Variants in AGTPBP1 observed in about 807,000 individuals in gnomAD.
The protein encoded by AGTPBP1 is ATP/GTP binding carboxypeptidase 1.
In AGTPBP1, 70 loss-of-function variants were observed where a neutral mutation model predicts 143.9. The ratio of observed to expected loss-of-function variants is 0.49; its 90% CI spans 0.40 to 0.59. The LOEUF is 0.59. AGTPBP1 is among the 20% of genes least tolerant of loss of function. The pLI, the probability that AGTPBP1 is intolerant of heterozygous loss-of-function variation, is 0.00. For synonymous variants in AGTPBP1, 463 were observed against 500.2 expected (o/e 0.93, Z 0.99); for missense variants, 1,229 against 1,464.5 (o/e 0.84, Z 2.62).
chr9:85,776,788 G>A, the AGTPBP1 span, among the ~76,000 whole-genome samples: 2 of 152,112 alleles, frequency 1.3e-5, no homozygotes, highest in Non-Finnish European at 2.9e-5. Flanking sequence ...AAGACCTCTA[G>A]GCCAGCAGAA....
chr9:85,779,208 TATAGATATAGATATAGATA>T, the AGTPBP1 span, among the ~76,000 whole-genome samples: 1 of 138,140 alleles, frequency 7.2e-6, no homozygotes, highest in Non-Finnish European at 1.5e-5. Context: ...TAGATATAGA[TATAGATATAGATATAGATA>T]TAGATATAGA....
intron 25 of AGTPBP1, among the ~76,000 whole-genome samples, chr9:85,564,034 G>A (rs1199088765): frequency 6.6e-6 from 1 of 152,252 alleles, no homozygotes; most frequent in East Asian, 1.9e-4. Context: ...GAAGGATGGA[G>A]CCACAGGCAC....
At position 85,669,587 on chromosome 9, in the gene AGTPBP1, G is replaced by A. The variant is rs376864085; in HGVS notation, c.569-9C>T. ...GGATACTGAATTCACAGCTGAGAGGGGGAGAAAGAGATGCAAAATTATTTT... is the reference window on the plus strand; with the variant it reads ...GGATACTGAATTCACAGCTGAGAGGAGGAGAAAGAGATGCAAAATTATTTT... On this transcript the variant is annotated splice_polypyrimidine_tract_variant and intron_variant, in intron 7 of 25. Transcript: ENST00000357081. 15 of 1,591,618 alleles carry A rather than the reference G, an allele frequency of 9.4e-6. No homozygotes were observed. The highest frequency in any genetic ancestry group is 3.4e-5 in the Admixed American group (2 of 59,304).
the AGTPBP1 span, among the ~76,000 whole-genome samples, chr9:85,773,004 G>A: frequency 2.6e-5 from 4 of 151,820 alleles, no homozygotes; most frequent in African/African-American, 4.8e-5. Context: ...AGTGGCTCAC[G>A]CCTGTAATCC....
intron 1 of AGTPBP1, 156 bp downstream of exon 1, chr9:85,741,619 C>A (rs1420324611): frequency 1.0e-6 from 1 of 985,294 alleles, no homozygotes; most frequent in Non-Finnish European, 1.2e-6. Context: ...TCACGCGTCA[C>A]ATGTGTAACA....
In AGTPBP1 at chr9:85,689,926, ATAT is replaced by A. The variant is rs377234440; in HGVS notation, c.157+2760_157+2762del. ...AAAAAAAAAAAAAAAAAAAAAAAAA[ATAT>A]ATATATATATATATATATCTTAAAG... On this transcript the variant is annotated intron_variant, in intron 3 of 25. Coordinates refer to ENST00000357081, the MANE Select transcript of AGTPBP1 (RefSeq NM_001330701.2). 8.3e-3 allele frequency among the ~76,000 whole-genome samples: 537 copies of A among 64,360 alleles called. 7 individuals carry two copies. The highest frequency in any genetic ancestry group is 0.029 in the African/African-American group (349 of 12,120). 42.2% of individuals were successfully genotyped at this position (64,360 alleles called of 152,430 possible). A position where few individuals can be genotyped will look rare whatever the true frequency, so the allele number is the denominator to read the frequency against.
the AGTPBP1 span, chr9:85,786,391 C>A: frequency 1.2e-6 from 2 of 1,614,026 alleles, no homozygotes; most frequent in Non-Finnish European, 1.7e-6. Context: ...GACTGTCATC[C>A]CAAATTCAGG....
At chr9:85,650,153 AG>A (rs1833068558) in intron 11 of AGTPBP1, among the ~76,000 whole-genome samples, 1 of 151,794 alleles carries the variant, frequency 6.6e-6, no homozygotes, top group African/African-American at 2.4e-5. Context: ...TCTTCACTAA[AG>A]AAGCTTGATT....
chr9:85,695,797 T>C (rs1836191461), intron 2 of AGTPBP1, among the ~76,000 whole-genome samples: 1 of 152,194 alleles, frequency 6.6e-6, no homozygotes, highest in African/African-American at 2.4e-5. Context: ...CAAACAATGA[T>C]TATTCAGACT....
At chr9:85,639,369 A>G (rs12683625) in intron 13 of AGTPBP1, among the ~76,000 whole-genome samples, 9,819 of 106,348 alleles carry the variant, frequency 0.092, 472 homozygotes, top group African/African-American at 0.23. Flanking sequence ...GCGCACGCGC[A>G]CACACACACA....
intron 17 of AGTPBP1, among the ~76,000 whole-genome samples, chr9:85,602,694 A>G (rs1190306611): frequency 6.6e-6 from 1 of 152,108 alleles, no homozygotes; most frequent in East Asian, 1.9e-4. Context: ...ACAACTATCC[A>G]CGCAAGAAAG....
At chr9:85,569,354 A>C (rs892711922) in intron 25 of AGTPBP1, among the ~76,000 whole-genome samples, 1 of 152,150 alleles carries the variant, frequency 6.6e-6, no homozygotes, top group Non-Finnish European at 1.5e-5. Flanking sequence ...AAAAGTTTCC[A>C]AGAGCAAGAA....
intron 12 of AGTPBP1, among the ~76,000 whole-genome samples, chr9:85,644,404 A>G (rs952596944): frequency 6.6e-6 from 1 of 151,292 alleles, no homozygotes; most frequent in Non-Finnish European, 1.5e-5. Context: ...TTGTGAAAAT[A>G]TGGCCTTACA....
At chr9:85,635,507 T>A (rs1211589891) in intron 13 of AGTPBP1, among the ~76,000 whole-genome samples, 1 of 152,186 alleles carries the variant, frequency 6.6e-6, no homozygotes, top group African/African-American at 2.4e-5. Context: ...TTTACAACTT[T>A]TACATATATT....
chr9:85,761,055 C>A, the AGTPBP1 span, among the ~76,000 whole-genome samples: 4 of 152,090 alleles, frequency 2.6e-5, no homozygotes, highest in African/African-American at 9.7e-5. Flanking sequence ...ACCTAGGAAT[C>A]CAACTTAGAA....
Position 85,585,448 on chromosome 9 carries a change from A to G in AGTPBP1, c.3165+15T>C. ...TTTGAAATTCAAAAACTTATGAATC[A>G]TCTGTAATAATTACCCTGTATCCCG... On this transcript the variant is annotated intron_variant, in intron 23 of 25. Transcript: ENST00000357081. 1 of 1,567,368 alleles carries G rather than the reference A, an allele frequency of 6.4e-7. No homozygotes were observed. The highest frequency in any genetic ancestry group is 1.2e-5 in the South Asian group (1 of 81,980).
chr9:85,608,540 A>T (rs1258639127), intron 17 of AGTPBP1, among the ~76,000 whole-genome samples: 2 of 152,026 alleles, frequency 1.3e-5, no homozygotes, highest in Non-Finnish European at 2.9e-5. Context: ...ATTCTTTATT[A>T]TCTTCTTCTC....
At chr9:85,561,604 T>C (rs540522101) in intron 25 of AGTPBP1, among the ~76,000 whole-genome samples, 19 of 151,486 alleles carry the variant, frequency 1.3e-4, no homozygotes, top group Non-Finnish European at 2.7e-4. Flanking sequence ...AGAAAAATGA[T>C]CTCAGATAAA....
chr9:85,554,011 T>C (rs1826184288), intron 25 of AGTPBP1: 1 of 152,192 alleles, frequency 6.6e-6, no homozygotes, highest in Non-Finnish European at 1.5e-5. Flanking sequence ...TGAACATGCT[T>C]ATCAGGGGTC....
Sources: gnomAD v4.1 joint callset for allele counts (sites outside exome capture counted in the v4.1 genomes callset) on GRCh38, gnomAD v4.1.1 for gene constraint, MANE v1.5 for transcripts, NCBI Gene and HGNC (gene_info 2026-07-23, HGNC 2026-07-21) for gene names.